Variants in NELFCD observed in about 807,000 individuals in gnomAD.
NELFCD encodes negative elongation factor complex member C/D.
Under a neutral mutation model 72.9 loss-of-function variants are expected in NELFCD, and 48 were observed. The observed-to-expected ratio is 0.66, with a 90% CI of 0.52 to 0.84. The LOEUF (loss-of-function observed/expected upper bound fraction) is 0.84. Among genes scored for constraint, NELFCD ranks in the 40% least tolerant of loss-of-function variants. NELFCD has a pLI of 0.00. For missense variants in NELFCD, 538 were observed against 723.8 expected, an observed-to-expected ratio of 0.74 and a Z score of 2.94; for synonymous variants, 297 against 280.6, an observed-to-expected ratio of 1.06 and a Z score of -0.59.
At position 58,989,072 on chromosome 20, in the gene NELFCD, T is replaced by A. The variant is rs774386322; in HGVS notation, c.504+51T>A. 3 of 1,366,058 alleles carry A rather than the reference T, an allele frequency of 2.2e-6. No individual in the cohort carries two copies. The South Asian group carries it at 3.5e-5, about 16-fold the overall frequency. The allele number at this position is 1,366,058 out of a possible 1,614,324, so 84.6% of individuals were successfully genotyped here. A position where few individuals can be genotyped will look rare whatever the true frequency, so the allele number is the denominator to read the frequency against. ...GAAAAGTGTTTATGAATGTTTATTT[T>A]TGGTTGTTGGTCTGTTTCCTTTGAC... On this transcript the variant is annotated intron_variant, in intron 5 of 14. Transcript: ENST00000652272.
Position 58,993,895 on chromosome 20 carries a change from C to G in NELFCD, c.1581+131C>G, listed in dbSNP as rs2091837058. The G allele has an allele frequency of 6.6e-6, 8 of 1,218,688 alleles. No individual in the cohort carries two copies. In the South Asian group the frequency reaches 1.1e-4, roughly 17 times the overall value. 75.5% of individuals were successfully genotyped at this position (1,218,688 alleles called of 1,614,324 possible). A position where few individuals can be genotyped will look rare whatever the true frequency, so the allele number is the denominator to read the frequency against. ...GATGTAGTGATGACAATGACAGATA[C>G]TCGTTTACCAAAAAGCACCTTCTGC... is the stretch of plus-strand genomic sequence containing the variant. On this transcript the variant is annotated intron_variant, in intron 13 of 14. Coordinates refer to ENST00000652272, the MANE Select transcript of NELFCD (RefSeq NM_198976.4). This position sits in a 1 kb window ranked among gnomAD's most constrained non-coding sequence, Gnocchi z 5.0.
At chr20:58,983,180 A>G (rs1490356748) in intron 1 of NELFCD, among the ~76,000 whole-genome samples, 1 of 147,620 alleles carries the variant, frequency 6.8e-6, no homozygotes, top group Admixed American at 6.9e-5. Context: ...TTAGCTGCTC[A>G]GGCTGGAGTG....
intron 10 of NELFCD, 140 bp downstream of exon 10, chr20:58,992,160 AG>A: frequency 1.1e-6 from 1 of 911,072 alleles, no homozygotes; most frequent in East Asian, 2.6e-5. Flanking sequence ...AACAGTATGT[AG>A]GGAACTTTAA....
In NELFCD at chr20:58,992,014, G is replaced by C. The variant is rs2091821161; in HGVS notation, c.1223G>C (p.Cys408Ser). The part of the protein sequence containing the change: ...LVAELSTLYQ[C>S]IRFPVVAMGV... ...GCAGAATTGAGCACACTTTATCAGT[G>C]TATTAGGTAAGCAAAACGAAACTCA... The change falls in exon 10 of 15, where the codon TGT (cysteine) becomes TCT (serine). Residue 408 changes from cysteine to serine, a missense_variant. Physicochemically the swap from Cys to Ser is moderately radical, Grantham distance 112 (BLOSUM62 -1). Coordinates refer to ENST00000652272, the MANE Select transcript of NELFCD (RefSeq NM_198976.4). 6.2e-7 allele frequency: 1 copy of C among 1,608,822 alleles called. No homozygotes were observed. The highest frequency in any genetic ancestry group is 8.5e-7 in the Non-Finnish European group (1 of 1,176,600).
At chr20:58,989,434 G>A (rs41314904) in intron 5 of NELFCD, 54 bp from the exon 6 acceptor site, 272,249 of 1,597,686 alleles carry the variant, frequency 0.17, 23,729 homozygotes, top group Middle Eastern at 0.18. Flanking sequence ...CCAGCTTCCC[G>A]TGGAGGTGCG....
At chr20:58,994,078 C>T (rs775717697) in intron 13 of NELFCD, 32 bp from the exon 14 acceptor site, 27 of 1,610,976 alleles carry the variant, frequency 1.7e-5, no homozygotes, top group Middle Eastern at 1.6e-4. Flanking sequence ...CACTAGTGTG[C>T]GGAAGAAGTC....
chr20:58,990,668 T>C (rs1201290084), intron 7 of NELFCD: 5 of 417,830 alleles, frequency 1.2e-5, no homozygotes, highest in Non-Finnish European at 2.1e-5. Context: ...ATTAGCTTTA[T>C]TTTCTGCTAC....
chr20:58,987,829 T>C lies in NELFCD; in HGVS notation c.396+12T>C, dbSNP rs761926021. Reference sequence around the variant, plus strand: ...CTGAAGAAGGAGAGGTGAGAAATTATTTTTCTTTGCCTAGTACCAGGCCCT... The same window carrying C: ...CTGAAGAAGGAGAGGTGAGAAATTACTTTTCTTTGCCTAGTACCAGGCCCT... On this transcript the variant is annotated intron_variant, in intron 4 of 14. Coordinates refer to ENST00000652272, the MANE Select transcript of NELFCD (RefSeq NM_198976.4). The C allele has an allele frequency of 8.7e-6, 14 of 1,607,008 alleles. No homozygotes were observed. In the African/African-American group the frequency reaches 1.6e-4, roughly 18 times the overall value.
rs1402074774 is a variant in NELFCD at position 58,993,500 on chromosome 20, A to T, written c.1396A>T (p.Lys466Ter). ...CCCCCAGGTCCTGCAGCTGCTTGTT[A>T]AGCTTTTTGAGACTGAGCACTCCCA... ...LHPQVLQLLV[K>*]LFETEHSQLD... The change falls in exon 12 of 15, where the codon AAG (lysine) becomes TAG (stop). Residue 466 changes from lysine (K) to a stop codon, truncating the protein, a stop_gained. Coordinates refer to ENST00000652272, the MANE Select transcript of NELFCD (RefSeq NM_198976.4). LOFTEE classifies it high-confidence loss of function. The surrounding 1 kb of genome is among the most constrained non-coding windows in gnomAD (Gnocchi z 5.0). 1 of 1,614,046 alleles carries T rather than the reference A, an allele frequency of 6.2e-7. No individual in the cohort carries two copies. The highest frequency in any genetic ancestry group is 8.5e-7 in the Non-Finnish European group (1 of 1,180,050).
At chr20:58,992,909 A>T in intron 10 of NELFCD, 89 bp from the exon 11 acceptor site, 2 of 801,378 alleles carry the variant, frequency 2.5e-6, no homozygotes, top group Non-Finnish European at 4.2e-6. Flanking sequence ...GAGTCATTTG[A>T]GTTTGTTTTT....
rs2091810948 is a variant in NELFCD at position 58,990,858 on chromosome 20, G to GA, written c.789-46dup. The GA allele has an allele frequency of 2.0e-6, 3 of 1,519,024 alleles. No individual in the cohort carries two copies. The African/African-American group carries it at 4.2e-5, about 21-fold the overall frequency. 94.1% of individuals were successfully genotyped at this position (1,519,024 alleles called of 1,614,324 possible). A position where few individuals can be genotyped will look rare whatever the true frequency, so the allele number is the denominator to read the frequency against. On this transcript the variant is annotated intron_variant, in intron 7 of 14. Coordinates refer to ENST00000652272, the MANE Select transcript of NELFCD (RefSeq NM_198976.4). ...AGTATTATATGTGTAAAAAAGAACA[G>GA]AAAAAAGAAGCTGCCTTGTTAGTAA...
Position 58,993,950 on chromosome 20 carries a change from C to T in NELFCD, c.1582-160C>T, listed in dbSNP as rs2091837495. ...AGCAGCTGTATGACACACTTTACCT[C>T]CATTACCACCCTGGGCATCTGAATG... On this transcript the variant is annotated intron_variant, in intron 13 of 14. Transcript: ENST00000652272. This position sits in a 1 kb window ranked among gnomAD's most constrained non-coding sequence, Gnocchi z 5.0. 2.8e-6 allele frequency: 3 copies of T among 1,084,172 alleles called. No individual in the cohort carries two copies. The highest frequency in any genetic ancestry group is 2.0e-5 in the Admixed American group (1 of 49,410). The allele number at this position is 1,084,172 out of a possible 1,614,324, so 67.2% of individuals were successfully genotyped here.
intron 4 of NELFCD, 197 bp downstream of exon 4, chr20:58,988,014 A>G (rs1258628985): frequency 6.9e-6 from 4 of 578,664 alleles, no homozygotes; most frequent in Non-Finnish European, 9.2e-6. Context: ...TGCACGCAAG[A>G]GGCACACAGG....
intron 1 of NELFCD, among the ~76,000 whole-genome samples, chr20:58,982,140 A>ATTTT (rs751696443): frequency 1.3e-4 from 9 of 68,396 alleles, no homozygotes; most frequent in African/African-American, 3.7e-4. Context: ...GGGAACTTGC[A>ATTTT]TTTTTTTTTT....
In NELFCD at chr20:58,994,152, C is replaced by A; in HGVS notation, c.1624C>A (p.Gln542Lys). The change falls in exon 14 of 15, where the codon CAA becomes AAA. Residue 542 changes from glutamine to lysine, a missense_variant. Physicochemically the swap from Gln to Lys is moderately conservative, Grantham distance 53 (BLOSUM62 1). Transcript: ENST00000652272. ...TCCTCCTTATACCTCTGACTTCGTG[C>A]AACTTTTCCTCCCCATCCTGGAGAA... The part of the protein sequence containing the change: ...IAPPYTSDFV[Q>K]LFLPILENDS... 1.2e-6 allele frequency: 2 copies of A among 1,614,204 alleles called. No individual in the cohort carries two copies. Among genetic ancestry groups the A allele is most frequent in the Non-Finnish European group, 1.7e-6 (2 of 1,180,014 alleles).
chr20:58,988,037 G>A (rs1483166151), intron 4 of NELFCD: 1 of 541,248 alleles, frequency 1.8e-6, no homozygotes, highest in Non-Finnish European at 3.3e-6. Flanking sequence ...CTGAGATCAA[G>A]AGAATGAACA....
chr20:58,985,291 C>T (rs917326323), intron 1 of NELFCD, among the ~76,000 whole-genome samples: 1 of 152,196 alleles, frequency 6.6e-6, no homozygotes, highest in Non-Finnish European at 1.5e-5. Context: ...GTCTGTCTCT[C>T]CTATTAGTTT....
At chr20:58,992,735 A>C (rs1369132361) in intron 10 of NELFCD, among the ~76,000 whole-genome samples, 1 of 151,930 alleles carries the variant, frequency 6.6e-6, no homozygotes, top group Admixed American at 6.6e-5. Flanking sequence ...TCTCTACAAA[A>C]AATTAGCTAG....
intron 6 of NELFCD, 34 bp from the exon 7 acceptor site, chr20:58,989,824 A>G: frequency 6.2e-7 from 1 of 1,614,038 alleles, no homozygotes; most frequent in Non-Finnish European, 8.5e-7. Flanking sequence ...CTACAGTAGT[A>G]AACCCTGCCC....
Sources: allele counts gnomAD v4.1 joint callset (sites outside exome capture counted in the v4.1 genomes callset), GRCh38; gene constraint gnomAD v4.1.1; non-coding constraint Gnocchi (gnomAD v3.1); transcripts MANE v1.5; gene names NCBI Gene and HGNC (gene_info 2026-07-23, HGNC 2026-07-21).